Variants in RPS26 observed in about 807,000 individuals in gnomAD.
RPS26 encodes the protein ribosomal protein S26.
A neutral mutation model predicts 14.7 loss-of-function variants in RPS26; 1 was observed. That is an observed-to-expected ratio of 0.07 (90% CI 0.02 to 0.32). The LOEUF (loss-of-function observed/expected upper bound fraction) is 0.32. Ranked by LOEUF, RPS26 falls within the 10% of genes least tolerant of loss-of-function variation. The probability of loss-of-function intolerance (pLI) is 1.00; values close to 1 mark genes in which losing one functional copy is unlikely to be tolerated. For synonymous variants in RPS26, 59 were observed against 53.1 expected, an observed-to-expected ratio of 1.11 and a Z score of -0.48; for missense variants, 63 against 157.7, an observed-to-expected ratio of 0.40 and a Z score of 3.22.
At position 56,042,180 on chromosome 12, in the gene RPS26, T is replaced by A; in HGVS notation, c.3+11T>A. ...CGTGCCTCCAAGATGGTGAGTCTTC[T>A]TGCGTGGTGAGGGTGGGGGTTCGGG... On this transcript the variant is annotated intron_variant, in intron 1 of 3. Coordinates refer to ENST00000646449, the MANE Select transcript of RPS26 (RefSeq NM_001029.5). 6.2e-7 allele frequency: 1 copy of A among 1,614,024 alleles called. No individual in the cohort carries two copies.
Position 56,044,105 on chromosome 12 carries a change from TC to T in RPS26, c.313-13del. On this transcript the variant is annotated splice_polypyrimidine_tract_variant and intron_variant, in intron 3 of 3. Coordinates refer to ENST00000646449, the MANE Select transcript of RPS26 (RefSeq NM_001029.5). ...ATGGGTTTTAATTTACTCTTTTGTT[TC>T]TTTGTCTTTCAGGGTGCTGCCCCAC... 1 of 1,612,890 alleles carries T rather than the reference TC, an allele frequency of 6.2e-7. No homozygotes were observed. Among genetic ancestry groups the T allele is most frequent in the Non-Finnish European group, 8.5e-7 (1 of 1,178,960 alleles).
At position 56,042,028 on chromosome 12, in the gene RPS26, A is replaced by T. The variant is rs2136753168; in HGVS notation, c.-139A>T. 1.2e-6 allele frequency: 1 copy of T among 862,654 alleles called. No individual in the cohort carries two copies. The highest frequency in any genetic ancestry group is 2.0e-6 in the Non-Finnish European group (1 of 510,290). The allele number at this position is 862,654 out of a possible 1,614,324, so 53.4% of individuals were successfully genotyped here. On this transcript the variant is annotated 5_prime_UTR_variant, in exon 1 of 4. It introduces an in-frame stop codon into an upstream open reading frame of the 5' UTR. Transcript: ENST00000646449. ...GATTTCAGCAGAAATGCTGAATGTAAAGGAATATTTGAGTAAAGTGAGTTG... is the reference window on the plus strand; with the variant it reads ...GATTTCAGCAGAAATGCTGAATGTATAGGAATATTTGAGTAAAGTGAGTTG...
chr12:56,043,020 T>A (rs1565845664), intron 2 of RPS26: 1 of 398,078 alleles, frequency 2.5e-6, no homozygotes, highest in Non-Finnish European at 4.7e-6. Context: ...GCTTTGTTTT[T>A]TTCCTTTTAT....
At position 56,043,366 on chromosome 12, in the gene RPS26, A is replaced by G; in HGVS notation, c.185A>G (p.Tyr62Cys). The G allele has an allele frequency of 1.2e-6, 2 of 1,611,714 alleles. No individual in the cohort carries two copies. Among genetic ancestry groups the G allele is most frequent in the Non-Finnish European group, 1.7e-6 (2 of 1,179,494 alleles). The change falls in exon 3 of 4, where the codon TAT (tyrosine) becomes TGT (cysteine). Residue 62 changes from tyrosine (Y) to cysteine (C), a missense_variant. Transcript: ENST00000646449. Reference protein sequence around the residue: ...DISEASVFDAYVLPKLYVKLH... With the variant: ...DISEASVFDACVLPKLYVKLH... ...AACTCTATTTTCTATTCCTTAGCCT[A>G]TGTGCTTCCCAAGCTGTATGTGAAG...
intron 2 of RPS26, 48 bp downstream of exon 2, chr12:56,042,650 A>C: frequency 6.5e-7 from 1 of 1,531,318 alleles, no homozygotes; most frequent in Non-Finnish European, 8.9e-7. Flanking sequence ...AGTATCTTAA[A>C]GCCTTCGCCC....
In RPS26 at chr12:56,044,132, G is replaced by A. The variant is rs1294448241; in HGVS notation, c.326G>A (p.Arg109His). Residue 109 changes from arginine (R) to histidine (H), a missense_variant, in exon 4 of 4, where the codon CGT becomes CAT. Physicochemically the swap from Arg to His is conservative, Grantham distance 29 (BLOSUM62 0). Coordinates refer to ENST00000646449, the MANE Select transcript of RPS26 (RefSeq NM_001029.5). ...PRFRPAGAAP[R>H]PPPKPM ...TTTGTCTTTCAGGGTGCTGCCCCACGTCCCCCACCAAAGCCCATGTAAGGA... is the reference window on the plus strand; with the variant it reads ...TTTGTCTTTCAGGGTGCTGCCCCACATCCCCCACCAAAGCCCATGTAAGGA... 5 of 1,613,176 alleles carry A rather than the reference G, an allele frequency of 3.1e-6. No individual in the cohort carries two copies. Among genetic ancestry groups the A allele is most frequent in the Non-Finnish European group, 8.5e-7 (1 of 1,179,338 alleles).
rs768477740 is a variant in RPS26, at chr12:56,043,207, C to G, written c.182-156C>G. 5.4e-5 allele frequency: 37 copies of G among 690,566 alleles called. 1 individual carries two copies. Among genetic ancestry groups the G allele is most frequent in the South Asian group, 4.6e-4 (30 of 64,710 alleles). 42.8% of individuals were successfully genotyped at this position (690,566 alleles called of 1,614,324 possible). A position where few individuals can be genotyped will look rare whatever the true frequency, so the allele number is the denominator to read the frequency against. ...TATACATATGTGCTCAGGTATTGGGCTGAACAGGTGCTTTGGGGGTGCTTT... is the reference window on the plus strand; with the variant it reads ...TATACATATGTGCTCAGGTATTGGGGTGAACAGGTGCTTTGGGGGTGCTTT... On this transcript the variant is annotated intron_variant, in intron 2 of 3. Coordinates refer to ENST00000646449, the MANE Select transcript of RPS26 (RefSeq NM_001029.5).
intron 2 of RPS26, 89 bp from the exon 3 acceptor site, chr12:56,043,274 A>C: frequency 2.3e-6 from 3 of 1,282,168 alleles, no homozygotes; most frequent in Non-Finnish European, 3.4e-6. Flanking sequence ...GTTTTAATTG[A>C]CGTAAACATG....
chr12:56,043,630 C>G (rs1895922404), intron 3 of RPS26, 137 bp downstream of exon 3: 2 of 841,382 alleles, frequency 2.4e-6, no homozygotes, highest in Non-Finnish European at 3.9e-6. Flanking sequence ...ACCAGCAGTT[C>G]AAGACCCCAT....
intron 2 of RPS26, 39 bp from the exon 3 acceptor site, chr12:56,043,324 G>A (rs1236019434): frequency 3.8e-6 from 6 of 1,597,638 alleles, no homozygotes; most frequent in East Asian, 4.5e-5. Flanking sequence ...AGCAAGGTAG[G>A]TATATAATAC....
At chr12:56,042,215 T>C (rs770983388) in intron 1 of RPS26, 46 bp downstream of exon 1, 1 of 1,612,336 alleles carries the variant, frequency 6.2e-7, no homozygotes, top group South Asian at 1.1e-5. Flanking sequence ...GTGCAGACTC[T>C]GGGATTGTGG....
At chr12:56,044,054 C>A in intron 3 of RPS26, 65 bp from the exon 4 acceptor site, 1 of 1,397,996 alleles carries the variant, frequency 7.2e-7, no homozygotes, top group Non-Finnish European at 1.0e-6. Flanking sequence ...TGGTCAAGTT[C>A]TTTGGGGGAA....
intron 2 of RPS26, 111 bp downstream of exon 2, chr12:56,042,713 C>A: frequency 1.1e-6 from 1 of 891,872 alleles, no homozygotes; most frequent in Non-Finnish European, 1.8e-6. Context: ...GCAATTTCCA[C>A]GTATTTAAGG....
intron 2 of RPS26, chr12:56,042,936 T>C: frequency 4.6e-6 from 2 of 436,204 alleles, no homozygotes; most frequent in South Asian, 2.2e-5. Context: ...TGAGGAAGAA[T>C]GTCTTCAACG....
chr12:56,042,512 C>T lies in RPS26; in HGVS notation c.91C>T (p.Pro31Ser). The T allele has an allele frequency of 1.2e-6, 2 of 1,603,460 alleles. No homozygotes were observed. Among genetic ancestry groups the T allele is most frequent in the Non-Finnish European group, 1.7e-6 (2 of 1,175,968 alleles). ...IRCTNCARCV[P>S]KDKAIKKFVI... ...CTGCACTAACTGTGCCCGATGCGTGCCCAAGGACAAGGCCATTAAGAAATT... is the reference window on the plus strand; with the variant it reads ...CTGCACTAACTGTGCCCGATGCGTGTCCAAGGACAAGGCCATTAAGAAATT... The change falls in exon 2 of 4, where the codon CCC (proline) becomes TCC (serine). Residue 31 changes from proline to serine, a missense_variant. Coordinates refer to ENST00000646449, the MANE Select transcript of RPS26 (RefSeq NM_001029.5).
In RPS26 at chr12:56,044,341, T is replaced by A; in HGVS notation, c.*187T>A. The A allele has an allele frequency of 1.9e-6, 1 of 523,564 alleles. No homozygotes were observed. 32.4% of individuals were successfully genotyped at this position (523,564 alleles called of 1,614,324 possible). A position where few individuals can be genotyped will look rare whatever the true frequency, so the allele number is the denominator to read the frequency against. ...AAAGCTTATTCATGTAATTTAATTT[T>A]TTTCTTTTTTTTTTTTTTTTTTTTG... On this transcript the variant is annotated 3_prime_UTR_variant, in exon 4 of 4. Coordinates refer to ENST00000646449, the MANE Select transcript of RPS26 (RefSeq NM_001029.5).
rs1895891034 is a variant in RPS26, at chr12:56,042,108, A to G, written c.-59A>G. The G allele has an allele frequency of 3.2e-6, 5 of 1,582,594 alleles. No homozygotes were observed. Among genetic ancestry groups the G allele is most frequent in the African/African-American group, 1.3e-5 (1 of 74,670 alleles). On this transcript the variant is annotated 5_prime_UTR_variant, in exon 1 of 4. The change abolishes an upstream ATG in the 5' untranslated region. Transcript: ENST00000646449. ...CTCCCGGTGTCCGCGTAGGGATCTC[A>G]TGCTATATAGGAGGGCCCTGCCAGG... is the stretch of plus-strand genomic sequence containing the variant.
Position 56,043,541 on chromosome 12 carries a change from A to G in RPS26, c.312+48A>G, listed in dbSNP as rs200345325. On this transcript the variant is annotated intron_variant, in intron 3 of 3. Coordinates refer to ENST00000646449, the MANE Select transcript of RPS26 (RefSeq NM_001029.5). ...GGAAGCCAGGGGAGTGATGGTTAAA[A>G]TTTCATCCTGGAGGGTCAGGGTGTC... The G allele has an allele frequency of 1.3e-4, 213 of 1,608,064 alleles. 2 individuals are homozygous for G. In the African/African-American group the frequency reaches 2.6e-3, roughly 19 times the overall value.
rs1316872647 is a variant in RPS26, at chr12:56,042,389, C to T, written c.4-36C>T. 2.5e-6 allele frequency: 4 copies of T among 1,607,928 alleles called. No individual in the cohort carries two copies. The Admixed American group carries it at 5.0e-5, about 20-fold the overall frequency. On this transcript the variant is annotated intron_variant, in intron 1 of 3. Transcript: ENST00000646449. Reference sequence around the variant, plus strand: ...AAAGGGACTGAGGCTGGGTGAGTTGCGCCGTTTTCCTAACAGTTTTCCCAT... The same window carrying T: ...AAAGGGACTGAGGCTGGGTGAGTTGTGCCGTTTTCCTAACAGTTTTCCCAT...
Sources: gnomAD v4.1 joint callset for allele counts on GRCh38, gnomAD v4.1.1 for gene constraint, MANE v1.5 for transcripts, NCBI Gene and HGNC (gene_info 2026-07-23, HGNC 2026-07-21) for gene names.